The following LPP variants were observed in gnomAD, a reference collection of about 807,000 sequenced individuals.
LPP encodes the protein LIM domain containing preferred translocation partner in lipoma.
Under a neutral mutation model 60.4 loss-of-function variants are expected in LPP, and 38 were observed. That is an observed-to-expected ratio of 0.63 (90% CI 0.49 to 0.83). The LOEUF (loss-of-function observed/expected upper bound fraction) is 0.83. Among genes scored for constraint, LPP ranks in the 40% least tolerant of loss-of-function variants. The probability of loss-of-function intolerance (pLI) is 0.00; values close to 1 mark genes in which losing one functional copy is unlikely to be tolerated. For missense variants in LPP, 902 were observed against 783.6 expected (o/e 1.15, Z -1.80); for synonymous variants, 328 against 290.8 (o/e 1.13, Z -1.30).
At chr3:188,282,403 G>A (rs538323392) in intron 2 of LPP, among the ~76,000 whole-genome samples, 36 of 152,282 alleles carry the variant, frequency 2.4e-4, no homozygotes, top group Admixed American at 2.3e-3. Context: ...TGCATGTGTT[G>A]TGTAGTTCCT....
chr3:188,211,680 A>G (rs1018641135), intron 1 of LPP, among the ~76,000 whole-genome samples: 1 of 152,110 alleles, frequency 6.6e-6, no homozygotes, highest in South Asian at 2.1e-4. Context: ...TTTCCTGACA[A>G]CAGTGTTCTC....
chr3:188,603,170 C>A (rs935224625), intron 6 of LPP, among the ~76,000 whole-genome samples: 6 of 151,892 alleles, frequency 4.0e-5, no homozygotes, highest in Non-Finnish European at 8.8e-5. Flanking sequence ...GTAAACTCTT[C>A]AGCTTTATAG....
chr3:188,340,666 G>T (rs367862557), intron 2 of LPP, among the ~76,000 whole-genome samples: 269 of 152,174 alleles, frequency 1.8e-3, no homozygotes, highest in African/African-American at 6.4e-3. Flanking sequence ...TCATCAGCAG[G>T]TCTTTCAACT....
At chr3:188,745,638 A>G (rs1321155658) in intron 8 of LPP, among the ~76,000 whole-genome samples, 1 of 152,162 alleles carries the variant, frequency 6.6e-6, no homozygotes, top group Non-Finnish European at 1.5e-5. Flanking sequence ...ACATCTTTCA[A>G]ACTTTAAGTC....
chr3:188,500,455 G>A (rs1237348463), intron 5 of LPP, among the ~76,000 whole-genome samples: 1 of 152,042 alleles, frequency 6.6e-6, no homozygotes, highest in Non-Finnish European at 1.5e-5. Flanking sequence ...TATCAAACTT[G>A]TAATATGCTA....
At chr3:188,683,831 G>T (rs1389386437) in intron 7 of LPP, among the ~76,000 whole-genome samples, 1 of 152,136 alleles carries the variant, frequency 6.6e-6, no homozygotes, top group Non-Finnish European at 1.5e-5. Context: ...CAGTGGGAGG[G>T]TCAAGAAACC....
At position 188,524,746 on chromosome 3, in the gene LPP, G is replaced by A. The variant is rs565164771; in HGVS notation, c.388G>A (p.Asp130Asn). ...EIDSLTSILA[D>N]LECSSPYKPR... ...TGACTCCTTGACCAGCATCTTGGCTGACCTTGAGTGCAGCTCCCCCTATAA... is the reference window on the plus strand; with the variant it reads ...TGACTCCTTGACCAGCATCTTGGCTAACCTTGAGTGCAGCTCCCCCTATAA... The change falls in exon 6 of 12, where the codon GAC becomes AAC. Residue 130 changes from aspartate (D) to asparagine (N), a missense_variant. Asp to Asn is a conservative substitution (Grantham distance 23). Transcript: ENST00000617246. The A allele has an allele frequency of 1.9e-6, 3 of 1,614,126 alleles. No individual in the cohort carries two copies. The highest frequency in any genetic ancestry group is 1.1e-5 in the South Asian group (1 of 91,078).
At chr3:188,528,306 C>A (rs997682233) in intron 6 of LPP, among the ~76,000 whole-genome samples, 3 of 152,096 alleles carry the variant, frequency 2.0e-5, no homozygotes, top group African/African-American at 4.8e-5. Context: ...GGGTTACAGG[C>A]ATGAGCCACC....
rs560409344 is a variant in LPP at position 188,563,964 on chromosome 3, G to A, written c.429+39177G>A. Among the ~76,000 whole-genome samples, 3 of 151,984 alleles carry A rather than the reference G, an allele frequency of 2.0e-5. No individual in the cohort carries two copies. The East Asian group carries it at 5.9e-4, about 30-fold the overall frequency. On this transcript the variant is annotated intron_variant, in intron 6 of 11. Transcript: ENST00000617246. The stretch of plus-strand genomic sequence containing the variant: ...TTGAATACAGGCACTCACCATGGAA[G>A]AAGAGTAGGGTATTCTTGTAACAGT...
At chr3:188,513,791 A>C (rs1028040445) in intron 5 of LPP, among the ~76,000 whole-genome samples, 5 of 152,188 alleles carry the variant, frequency 3.3e-5, no homozygotes, top group African/African-American at 1.2e-4. Flanking sequence ...ACCCAAGTTC[A>C]GATCACTTTA....
Position 188,420,889 on chromosome 3 carries a change from C to T in LPP, c.193+14576C>T, listed in dbSNP as rs1787609698. On this transcript the variant is annotated intron_variant, in intron 4 of 11. Coordinates refer to ENST00000617246, the MANE Select transcript of LPP (RefSeq NM_001375462.1). ...TATCATGATACATGGTTTTTAAACA[C>T]ATTTTATATATGTATATATTTAATT... Among the ~76,000 whole-genome samples, 3 of 152,266 alleles carry T rather than the reference C, an allele frequency of 2.0e-5. No individual in the cohort carries two copies. In the South Asian group the frequency reaches 6.2e-4, roughly 32 times the overall value.
At chr3:188,441,609 C>CTTTTTTTTTTTTTTTTTTTTTTTTTTT (rs1004222826) in intron 4 of LPP, among the ~76,000 whole-genome samples, 10 of 55,654 alleles carry the variant, frequency 1.8e-4, no homozygotes, top group South Asian at 8.7e-4. Context: ...CTTTTCTTTT[C>CTTTTTTTTTTTTTTTTTTTTTTTTTTT]TTTTTTTTTT....
chr3:188,256,751 C>T (rs1478972114), intron 2 of LPP, among the ~76,000 whole-genome samples: 1 of 152,170 alleles, frequency 6.6e-6, no homozygotes, highest in East Asian at 1.9e-4. Context: ...AGATTTCAGT[C>T]TCAGCTTTGG....
intron 9 of LPP, among the ~76,000 whole-genome samples, chr3:188,830,175 A>G (rs9821385): frequency 0.32 from 48,330 of 151,696 alleles, 9,242 homozygotes; most frequent in East Asian, 0.84. Context: ...CATACACACC[A>G]AACAAAACAA....
intron 4 of LPP, among the ~76,000 whole-genome samples, chr3:188,442,574 G>T (rs532420478): frequency 6.6e-6 from 1 of 152,268 alleles, no homozygotes; most frequent in African/African-American, 2.4e-5. Flanking sequence ...TGAACCAACA[G>T]ATTGGTGGCC....
chr3:188,203,401 T>TA (rs1332313541), intron 1 of LPP, among the ~76,000 whole-genome samples: 1 of 61,542 alleles, frequency 1.6e-5, no homozygotes, highest in African/African-American at 4.9e-5. Flanking sequence ...TTAATATATA[T>TA]TTTTATAAAT....
intron 2 of LPP, among the ~76,000 whole-genome samples, chr3:188,236,895 G>A (rs1442928326): frequency 6.6e-6 from 1 of 152,126 alleles, no homozygotes; most frequent in East Asian, 1.9e-4. Flanking sequence ...CAACAATAAA[G>A]TTTGCCACAT....
intron 7 of LPP, among the ~76,000 whole-genome samples, chr3:188,652,995 G>C (rs1403707437): frequency 6.6e-6 from 1 of 152,206 alleles, no homozygotes; most frequent in Non-Finnish European, 1.5e-5. Flanking sequence ...CACTGGTTTG[G>C]AAGTGTGTGT....
At chr3:188,179,244 T>C (rs752157920) in intron 1 of LPP, 5 of 458,152 alleles carry the variant, frequency 1.1e-5, no homozygotes, top group South Asian at 6.2e-5. Context: ...AATCTTCGGC[T>C]GTGGCCTTGC....
Sources: allele counts gnomAD v4.1 joint callset (sites outside exome capture counted in the v4.1 genomes callset), GRCh38; gene constraint gnomAD v4.1.1; transcripts MANE v1.5; gene names NCBI Gene and HGNC (gene_info 2026-07-23, HGNC 2026-07-21).